The following KCND3 variants were observed in gnomAD, a reference collection of about 807,000 sequenced individuals.
KCND3 encodes A-type voltage-gated potassium channel KCND3.
A neutral mutation model predicts 51.1 loss-of-function variants in KCND3; 9 were observed. The observed-to-expected ratio is 0.18, with a 90% CI of 0.11 to 0.31. The LOEUF (loss-of-function observed/expected upper bound fraction) is 0.31. Among genes scored for constraint, KCND3 ranks in the 10% least tolerant of loss-of-function variants. The pLI, the probability that KCND3 is intolerant of heterozygous loss-of-function variation, is 1.00. For missense variants in KCND3, 526 were observed against 903.8 expected (o/e 0.58, Z 5.36); for synonymous variants, 349 against 368.0 (o/e 0.95, Z 0.59).
chr1:111,822,464 T>C (rs1199578016), intron 2 of KCND3, among the ~76,000 whole-genome samples: 1 of 152,198 alleles, frequency 6.6e-6, no homozygotes, highest in Non-Finnish European at 1.5e-5. Flanking sequence ...CATACAGTAT[T>C]TGTCCTTTGT....
Position 111,898,668 on chromosome 1 carries a change from C to T in KCND3, c.1106+82953G>A, listed in dbSNP as rs532428774. ...ACTGAGTGTGTGCTTCAACTGTACA[C>T]AAAGCACAGGCCTTGCCCTCCTGAA... is the stretch of plus-strand genomic sequence containing the variant. On this transcript the variant is annotated intron_variant, in intron 2 of 7. Transcript: ENST00000302127. Among the ~76,000 whole-genome samples the T allele has an allele frequency of 1.1e-4, 17 of 152,308 alleles. No homozygotes were observed. The East Asian group carries it at 3.3e-3, about 29-fold the overall frequency.
chr1:111,985,328 G>A (rs768503389), intron 1 of KCND3, among the ~76,000 whole-genome samples: 16 of 152,182 alleles, frequency 1.1e-4, no homozygotes, highest in Non-Finnish European at 2.1e-4. Flanking sequence ...GAAAGATGAA[G>A]CATAAGGAGT....
chr1:111,897,825 G>A (rs965745487), intron 2 of KCND3, among the ~76,000 whole-genome samples: 7 of 152,200 alleles, frequency 4.6e-5, no homozygotes, highest in Admixed American at 2.6e-4. Flanking sequence ...AATTCACTTC[G>A]TATTTTATTT....
At chr1:111,820,670 T>C (rs1666301228) in intron 2 of KCND3, among the ~76,000 whole-genome samples, 2 of 152,228 alleles carry the variant, frequency 1.3e-5, no homozygotes, top group Admixed American at 6.5e-5. Context: ...AAAAGATGTA[T>C]GTAAGTCCTA....
At chr1:111,831,119 C>T (rs1489548605) in intron 2 of KCND3, among the ~76,000 whole-genome samples, 2 of 152,244 alleles carry the variant, frequency 1.3e-5, no homozygotes, top group African/African-American at 4.8e-5. Flanking sequence ...GCTGTGCTGA[C>T]TCCCCCTTTC....
intron 2 of KCND3, among the ~76,000 whole-genome samples, chr1:111,966,592 C>G (rs1331345782): frequency 6.6e-6 from 1 of 152,190 alleles, no homozygotes; most frequent in Non-Finnish European, 1.5e-5. Context: ...ACGGACTTCA[C>G]TCTTCCAGGG....
intron 2 of KCND3, among the ~76,000 whole-genome samples, chr1:111,808,166 C>T (rs538978504): frequency 5.3e-5 from 8 of 152,334 alleles, no homozygotes; most frequent in Admixed American, 1.3e-4. Flanking sequence ...CCTTGTCTAA[C>T]GCCTGGGATA....
chr1:111,774,256 G>A lies in KCND3; in HGVS notation c.*1821C>T, dbSNP rs1664022117. The A allele has an allele frequency of 6.6e-6, 1 of 152,288 alleles. No individual in the cohort carries two copies. The highest frequency in any genetic ancestry group is 2.4e-5 in the African/African-American group (1 of 41,438). The allele number at this position is 152,288 out of a possible 1,614,324, so 9.4% of individuals were successfully genotyped here. A position where few individuals can be genotyped will look rare whatever the true frequency, so the allele number is the denominator to read the frequency against. ...AGTAAAACTCATTTAGATGGCTGTG[G>A]TGGGGAGAGAAATTCTTGGCCTACA... On this transcript the variant is annotated 3_prime_UTR_variant, in exon 8 of 8. Transcript: ENST00000302127.
At chr1:111,908,072 T>C (rs1290985509) in intron 2 of KCND3, among the ~76,000 whole-genome samples, 4 of 152,248 alleles carry the variant, frequency 2.6e-5, no homozygotes, top group Non-Finnish European at 5.9e-5. Flanking sequence ...ATAACAGCTT[T>C]ACTTGCGTTG....
intron 2 of KCND3, among the ~76,000 whole-genome samples, chr1:111,919,320 G>A (rs1671368988): frequency 6.6e-6 from 1 of 151,856 alleles, no homozygotes; most frequent in Admixed American, 6.6e-5. Context: ...GGAGGCTGAT[G>A]GTGGGCACAC....
At chr1:111,911,405 G>C (rs1215523162) in intron 2 of KCND3, among the ~76,000 whole-genome samples, 2 of 152,204 alleles carry the variant, frequency 1.3e-5, no homozygotes, top group African/African-American at 4.8e-5. Context: ...CCTAGGACTT[G>C]CTAATCAGAA....
At chr1:111,806,164 C>T (rs1191353430) in intron 2 of KCND3, among the ~76,000 whole-genome samples, 1 of 152,228 alleles carries the variant, frequency 6.6e-6, no homozygotes, top group Non-Finnish European at 1.5e-5. Context: ...GGACATCTGT[C>T]TCCCAAAGAA....
At chr1:111,787,623 G>T (rs550602760) in intron 2 of KCND3, among the ~76,000 whole-genome samples, 2 of 152,262 alleles carry the variant, frequency 1.3e-5, no homozygotes, top group South Asian at 4.1e-4. Flanking sequence ...GGCAGGCAGG[G>T]GCCAGATCAT....
intron 2 of KCND3, among the ~76,000 whole-genome samples, chr1:111,831,234 T>C (rs1436735329): frequency 6.6e-6 from 1 of 152,260 alleles, no homozygotes; most frequent in African/African-American, 2.4e-5. Flanking sequence ...GCTCTTCCTG[T>C]ACTTTTCCTG....
intron 2 of KCND3, among the ~76,000 whole-genome samples, chr1:111,905,294 G>A (rs756801708): frequency 6.6e-6 from 1 of 152,152 alleles, no homozygotes; most frequent in African/African-American, 2.4e-5. Flanking sequence ...TGGGAGACAC[G>A]CACCCAGAAC....
chr1:111,782,097 T>A (rs1041032681), intron 3 of KCND3, among the ~76,000 whole-genome samples: 3 of 152,190 alleles, frequency 2.0e-5, no homozygotes, highest in African/African-American at 7.2e-5. Flanking sequence ...GACTTCAGCA[T>A]GGACCCTAAG....
intron 2 of KCND3, among the ~76,000 whole-genome samples, chr1:111,865,909 T>C (rs1668540360): frequency 6.6e-6 from 1 of 152,168 alleles, no homozygotes; most frequent in Admixed American, 6.5e-5. Flanking sequence ...TTTCACCATG[T>C]TGCCTAGGCT....
chr1:111,972,105 T>A (rs1207104340), intron 2 of KCND3, among the ~76,000 whole-genome samples: 1 of 151,902 alleles, frequency 6.6e-6, no homozygotes, highest in African/African-American at 2.4e-5. Context: ...TATTTTAGGC[T>A]CTCTGCATCT....
At chr1:111,841,290 C>A (rs533326559) in intron 2 of KCND3, among the ~76,000 whole-genome samples, 6 of 152,312 alleles carry the variant, frequency 3.9e-5, no homozygotes, top group African/African-American at 1.4e-4. Context: ...CTTTCAGGCA[C>A]GTAGTGTTTC....
Sources: allele counts gnomAD v4.1 joint callset (sites outside exome capture counted in the v4.1 genomes callset), GRCh38; gene constraint gnomAD v4.1.1; transcripts MANE v1.5; gene names NCBI Gene and HGNC (gene_info 2026-07-23, HGNC 2026-07-21).